Variants in DLEU7 observed in about 807,000 individuals in gnomAD.
DLEU7 encodes leukemia-associated protein 7.
DLEU7 carries 17 observed loss-of-function variants against 16.0 expected under a neutral mutation model. That is an observed-to-expected ratio of 1.06 (90% CI 0.73 to 1.59). The LOEUF (loss-of-function observed/expected upper bound fraction) is 1.59. DLEU7 is among the 40% of genes most tolerant of loss of function. The pLI is 0.00. For synonymous variants in DLEU7, 113 were observed against 139.8 expected (o/e 0.81, Z 1.35); for missense variants, 308 against 314.9 (o/e 0.98, Z 0.17).
intron 1 of DLEU7, among the ~76,000 whole-genome samples, chr13:50,798,594 CTT>C (rs1171562790): frequency 6.6e-6 from 1 of 152,102 alleles, no homozygotes; most frequent in African/African-American, 2.4e-5. Context: ...CCTGGGGACT[CTT>C]TGTACTATAT....
intron 1 of DLEU7, among the ~76,000 whole-genome samples, chr13:50,746,818 C>G (rs1169905024): frequency 6.6e-6 from 1 of 152,150 alleles, no homozygotes; most frequent in Non-Finnish European, 1.5e-5. Context: ...AAAAAAGGAT[C>G]AGCATTCAAA....
chr13:50,773,178 T>C (rs575337442), intron 1 of DLEU7, among the ~76,000 whole-genome samples: 54 of 152,370 alleles, frequency 3.5e-4, no homozygotes, highest in African/African-American at 1.3e-3. Flanking sequence ...TAATCTTTTT[T>C]CAAGGTTTTT....
chr13:50,731,123 G>A (rs1873900899), intron 1 of DLEU7, among the ~76,000 whole-genome samples: 1 of 152,176 alleles, frequency 6.6e-6, no homozygotes, highest in Non-Finnish European at 1.5e-5. Context: ...GACCAGAGTG[G>A]TCGTCGGCCA....
chr13:50,725,251 T>C (rs926882414), intron 1 of DLEU7, among the ~76,000 whole-genome samples: 2 of 152,120 alleles, frequency 1.3e-5, no homozygotes, highest in Non-Finnish European at 2.9e-5. Context: ...AGCCACGTGG[T>C]CATGGGCTGT....
rs1875363433 is a variant in DLEU7, at chr13:50,772,852, G to A, written c.460-59612C>T. On this transcript the variant is annotated intron_variant, in intron 1 of 1. Transcript: ENST00000400393. ...GGGAAGTTCTCCTGGATAATATCCT[G>A]CAGAGTATTTTCCAACTTGGTTCCA... Among the ~76,000 whole-genome samples, 5 of 152,186 alleles carry A rather than the reference G, an allele frequency of 3.3e-5. No individual in the cohort carries two copies. The South Asian group carries it at 6.2e-4, about 19-fold the overall frequency.
chr13:50,753,818 C>G (rs944777033), intron 1 of DLEU7, among the ~76,000 whole-genome samples: 1 of 152,204 alleles, frequency 6.6e-6, no homozygotes, highest in Non-Finnish European at 1.5e-5. Flanking sequence ...GGCAGAGGTG[C>G]CAAGAGCGAG....
chr13:50,753,440 C>G (rs918331061), intron 1 of DLEU7, among the ~76,000 whole-genome samples: 1 of 152,224 alleles, frequency 6.6e-6, no homozygotes, highest in Non-Finnish European at 1.5e-5. Context: ...CTGCAGGCCC[C>G]GAGCCCTGCC....
chr13:50,734,238 A>C (rs1157699795), intron 1 of DLEU7, among the ~76,000 whole-genome samples: 1 of 152,228 alleles, frequency 6.6e-6, no homozygotes, highest in Admixed American at 6.5e-5. Context: ...TTGACCACTT[A>C]GAATAAAAGC....
intron 1 of DLEU7, among the ~76,000 whole-genome samples, chr13:50,802,872 A>G (rs1876287768): frequency 6.6e-6 from 1 of 152,186 alleles, no homozygotes; most frequent in African/African-American, 2.4e-5. Flanking sequence ...ATTTATACTT[A>G]TCTGTGCCTT....
chr13:50,748,986 A>C (rs1408648103), intron 1 of DLEU7, among the ~76,000 whole-genome samples: 2 of 152,018 alleles, frequency 1.3e-5, no homozygotes, highest in African/African-American at 4.8e-5. Flanking sequence ...TGGTGCACCC[A>C]TCACCCGAGC....
chr13:50,799,205 C>T (rs1157361225), intron 1 of DLEU7, among the ~76,000 whole-genome samples: 1 of 152,208 alleles, frequency 6.6e-6, no homozygotes, highest in East Asian at 1.9e-4. Context: ...TACACACATG[C>T]ACACATATAT....
intron 1 of DLEU7, among the ~76,000 whole-genome samples, chr13:50,825,335 G>A (rs1481007456): frequency 1.3e-5 from 2 of 152,212 alleles, no homozygotes; most frequent in African/African-American, 4.8e-5. Flanking sequence ...AGGAGAAAAT[G>A]CAGTACGTTT....
chr13:50,724,526 G>A (rs544265579), intron 1 of DLEU7, among the ~76,000 whole-genome samples: 2 of 151,882 alleles, frequency 1.3e-5, no homozygotes, highest in East Asian at 1.9e-4. Context: ...CAAAAAAAAA[G>A]CAACAAAAAC....
At chr13:50,766,518 T>C (rs1225240166) in intron 1 of DLEU7, among the ~76,000 whole-genome samples, 2 of 152,140 alleles carry the variant, frequency 1.3e-5, no homozygotes, top group East Asian at 3.9e-4. Context: ...TTCTTTCTCC[T>C]TCCACACCAC....
intron 1 of DLEU7, among the ~76,000 whole-genome samples, chr13:50,772,921 G>A (rs1266174321): frequency 6.6e-6 from 1 of 152,062 alleles, no homozygotes. Context: ...TGTAGATTTG[G>A]TCTTTTCACA....
intron 1 of DLEU7, among the ~76,000 whole-genome samples, chr13:50,810,063 T>G (rs1876519031): frequency 6.6e-6 from 1 of 151,558 alleles, no homozygotes; most frequent in Non-Finnish European, 1.5e-5. Context: ...CTGCTTCATA[T>G]TTTAAGAGGA....
At chr13:50,764,685 G>T (rs1260912141) in intron 1 of DLEU7, among the ~76,000 whole-genome samples, 2 of 152,198 alleles carry the variant, frequency 1.3e-5, no homozygotes, top group Admixed American at 1.3e-4. Flanking sequence ...TGGAGATGAA[G>T]GGGCAGTGTA....
intron 1 of DLEU7, among the ~76,000 whole-genome samples, chr13:50,804,130 T>C (rs1311572610): frequency 1.3e-5 from 2 of 152,132 alleles, no homozygotes; most frequent in Non-Finnish European, 2.9e-5. Context: ...TCCTAAATAT[T>C]TTAATGTCAG....
intron 1 of DLEU7, among the ~76,000 whole-genome samples, chr13:50,811,688 A>G (rs1876572244): frequency 6.6e-6 from 1 of 152,150 alleles, no homozygotes; most frequent in African/African-American, 2.4e-5. Context: ...AGCTGCCCCA[A>G]CAACCTGATG....
Sources: allele counts gnomAD v4.1 joint callset (sites outside exome capture counted in the v4.1 genomes callset), GRCh38; gene constraint gnomAD v4.1.1; transcripts MANE v1.5; gene names NCBI Gene and HGNC (gene_info 2026-07-23, HGNC 2026-07-21).